UBE2F: variants seen among roughly 807,000 people sequenced by gnomAD.
UBE2F encodes ubiquitin conjugating enzyme E2 F (putative).
In UBE2F, 5 loss-of-function variants were observed where a neutral mutation model predicts 29.6. The ratio of observed to expected loss-of-function variants is 0.17; its 90% CI spans 0.09 to 0.36. The LOEUF is 0.36. Among genes scored for constraint, UBE2F ranks in the 10% least tolerant of loss-of-function variants. The probability of loss-of-function intolerance (pLI) is 1.00; values close to 1 mark genes in which losing one functional copy is unlikely to be tolerated. For synonymous variants in UBE2F, 66 were observed against 81.8 expected (o/e 0.81, Z 1.04); for missense variants, 141 against 228.5 (o/e 0.62, Z 2.47).
intron 5 of UBE2F, among the ~76,000 whole-genome samples, chr2:238,024,516 T>A (rs76304786): frequency 6.6e-6 from 1 of 152,100 alleles, no homozygotes; most frequent in African/African-American, 2.4e-5. Context: ...CAGCTCTTTT[T>A]TTTTCCCTGG....
intron 9 of UBE2F, among the ~76,000 whole-genome samples, chr2:238,038,187 G>A (rs1361611421): frequency 2.0e-5 from 3 of 152,212 alleles, no homozygotes; most frequent in Non-Finnish European, 4.4e-5. Flanking sequence ...GGTGGGCATG[G>A]GGAGTGGTGC....
intron 2 of UBE2F, chr2:237,986,219 G>A (rs1232953321): frequency 1.5e-5 from 5 of 322,622 alleles, no homozygotes; most frequent in East Asian, 1.1e-4. Context: ...GTGTGGTCCC[G>A]GCTTACTGCA....
rs2063389942 is a variant in UBE2F, at chr2:237,982,059, A to G, written c.119-5904A>G. Among the ~76,000 whole-genome samples, 1 of 152,160 alleles carries G rather than the reference A, an allele frequency of 6.6e-6. No homozygotes were observed. The highest frequency in any genetic ancestry group is 2.1e-4 in the South Asian group (1 of 4,832). On this transcript the variant is annotated intron_variant, in intron 2 of 9. Transcript: ENST00000272930. The surrounding 1 kb of genome is among the most constrained non-coding windows in gnomAD (Gnocchi z 4.1). Reference sequence around the variant, plus strand: ...TAATGGATCCATAGCTCCAAAATGTACTACAATTTATTGAATCATTTACTT... The same window carrying G: ...TAATGGATCCATAGCTCCAAAATGTGCTACAATTTATTGAATCATTTACTT...
At chr2:238,006,164 G>A (rs4453646) in intron 4 of UBE2F, among the ~76,000 whole-genome samples, 2,986 of 152,288 alleles carry the variant, frequency 0.02, 96 homozygotes, top group African/African-American at 0.069. Context: ...TATAATCCTA[G>A]CGGAAGGCAA....
chr2:238,031,001 A>G (rs943735551), intron 7 of UBE2F, among the ~76,000 whole-genome samples: 3 of 152,212 alleles, frequency 2.0e-5, no homozygotes, highest in African/African-American at 4.8e-5. Flanking sequence ...ACCACTCCCT[A>G]TGGCCAGAGA....
chr2:237,987,544 G>C (rs1049966705), intron 2 of UBE2F, among the ~76,000 whole-genome samples: 1 of 152,136 alleles, frequency 6.6e-6, no homozygotes, highest in Non-Finnish European at 1.5e-5. Context: ...GAGGACTGGG[G>C]CCAAGAAATG....
At chr2:237,977,323 C>G (rs1034323507) in intron 2 of UBE2F, among the ~76,000 whole-genome samples, 2 of 152,196 alleles carry the variant, frequency 1.3e-5, no homozygotes, top group African/African-American at 4.8e-5. Context: ...GTTTCAGAGT[C>G]CAAAGCACTG....
At chr2:238,038,858 T>G (rs1424770099) in intron 9 of UBE2F, among the ~76,000 whole-genome samples, 1 of 152,078 alleles carries the variant, frequency 6.6e-6, no homozygotes, top group African/African-American at 2.4e-5. Flanking sequence ...CCAGGGGAGG[T>G]GCAAAGTGCT....
chr2:238,026,178 C>G (rs999853937), intron 6 of UBE2F, among the ~76,000 whole-genome samples: 1 of 152,176 alleles, frequency 6.6e-6, no homozygotes, highest in African/African-American at 2.4e-5. Flanking sequence ...CCCGGCTGCC[C>G]GGGGCAGCTG....
chr2:237,980,680 T>C (rs1205287526), intron 2 of UBE2F, among the ~76,000 whole-genome samples: 1 of 152,216 alleles, frequency 6.6e-6, no homozygotes, highest in African/African-American at 2.4e-5. Flanking sequence ...TCTTGGGTCT[T>C]AGAGGAAACT....
At chr2:238,025,186 A>T in intron 5 of UBE2F, 156 bp from the exon 6 acceptor site, 1 of 653,400 alleles carries the variant, frequency 1.5e-6, no homozygotes, top group African/African-American at 1.8e-5. Context: ...GAGGTGAGCC[A>T]GTATTCAGGG....
At chr2:237,979,377 C>CCT (rs1208505864) in intron 2 of UBE2F, among the ~76,000 whole-genome samples, 1 of 152,142 alleles carries the variant, frequency 6.6e-6, no homozygotes, top group African/African-American at 2.4e-5. Flanking sequence ...AGGTGGGACC[C>CCT]CTCACCTTCC....
At chr2:238,041,101 C>CG (rs1213830175) in intron 9 of UBE2F, among the ~76,000 whole-genome samples, 187 bp from the exon 10 acceptor site, 2 of 152,136 alleles carry the variant, frequency 1.3e-5, no homozygotes, top group African/African-American at 4.8e-5. Flanking sequence ...CTGTGTCTTG[C>CG]GTGCAGTAGG....
At chr2:238,030,482 G>T (rs551866424) in intron 6 of UBE2F, 74 bp from the exon 7 acceptor site, 4 of 1,031,752 alleles carry the variant, frequency 3.9e-6, no homozygotes, top group South Asian at 1.3e-5. Context: ...GGCACACACC[G>T]AGAGGACTAG....
intron 1 of UBE2F, 34 bp from the exon 2 acceptor site, chr2:237,973,058 G>A: frequency 6.4e-7 from 1 of 1,574,536 alleles, no homozygotes; most frequent in African/African-American, 1.3e-5. Context: ...CTGGAGACCT[G>A]GTCCTTAACC....
At chr2:237,980,174 G>C (rs573894064) in intron 2 of UBE2F, among the ~76,000 whole-genome samples, 1 of 152,394 alleles carries the variant, frequency 6.6e-6, no homozygotes, top group African/African-American at 2.4e-5. Context: ...TCTCTACCTA[G>C]GTTGAAGGGC....
chr2:238,003,315 C>G, intron 4 of UBE2F: 1 of 469,860 alleles, frequency 2.1e-6, no homozygotes, highest in Non-Finnish European at 4.4e-6. Flanking sequence ...CCAAAGCATT[C>G]TCTTAACTTT....
chr2:238,014,119 C>T (rs1337486463), intron 4 of UBE2F, among the ~76,000 whole-genome samples: 1 of 152,208 alleles, frequency 6.6e-6, no homozygotes, highest in African/African-American at 2.4e-5. Context: ...AACTCTTAAG[C>T]TGGGGACATC....
At chr2:238,029,898 C>G (rs1017197382) in intron 6 of UBE2F, among the ~76,000 whole-genome samples, 1 of 152,034 alleles carries the variant, frequency 6.6e-6, no homozygotes, top group Admixed American at 6.6e-5. Flanking sequence ...GCTTCAGTTA[C>G]TCCTGTTGTC....
Sources: gnomAD v4.1 joint callset for allele counts (sites outside exome capture counted in the v4.1 genomes callset) on GRCh38, gnomAD v4.1.1 for gene constraint, Gnocchi (gnomAD v3.1) non-coding constraint, MANE v1.5 for transcripts, NCBI Gene and HGNC (gene_info 2026-07-23, HGNC 2026-07-21) for gene names.